The following LRRC1 variants were observed in gnomAD, a reference collection of about 807,000 sequenced individuals.
LRRC1 encodes leucine-rich repeat-containing protein 1.
LRRC1 carries 28 observed loss-of-function variants against 69.9 expected under a neutral mutation model. The observed-to-expected ratio is 0.40, with a 90% CI of 0.30 to 0.55. The LOEUF is 0.55. Among genes scored for constraint, LRRC1 ranks in the 20% least tolerant of loss-of-function variants. The pLI, the probability that LRRC1 is intolerant of heterozygous loss-of-function variation, is 0.47. For synonymous variants in LRRC1, 236 were observed against 240.2 expected, an observed-to-expected ratio of 0.98 and a Z score of 0.16; for missense variants, 498 against 609.0, an observed-to-expected ratio of 0.82 and a Z score of 1.92.
chr6:53,839,340 A>T (rs187984523), intron 1 of LRRC1, among the ~76,000 whole-genome samples: 2 of 152,288 alleles, frequency 1.3e-5, no homozygotes, highest in Admixed American at 6.5e-5. Context: ...AAAAAGAAAG[A>T]TAAAGTCTAT....
At chr6:53,844,846 G>C (rs1244246116) in intron 2 of LRRC1, among the ~76,000 whole-genome samples, 1 of 152,168 alleles carries the variant, frequency 6.6e-6, no homozygotes, top group Admixed American at 6.5e-5. Context: ...GTGTGTGGTG[G>C]ATGTGGGGGT....
intron 4 of LRRC1, among the ~76,000 whole-genome samples, chr6:53,883,239 G>A (rs753969311): frequency 2.6e-5 from 4 of 152,204 alleles, no homozygotes; most frequent in Non-Finnish European, 5.9e-5. Flanking sequence ...TTAAACTGAT[G>A]TATGGCAAAG....
intron 1 of LRRC1, among the ~76,000 whole-genome samples, chr6:53,802,313 A>G (rs529430732): frequency 6.6e-6 from 1 of 152,306 alleles, no homozygotes; most frequent in African/African-American, 2.4e-5. Flanking sequence ...CCAGAGGAAA[A>G]GATAGAGTAC....
chr6:53,868,627 C>T (rs1364567833), intron 2 of LRRC1, among the ~76,000 whole-genome samples: 1 of 152,120 alleles, frequency 6.6e-6, no homozygotes, highest in Non-Finnish European at 1.5e-5. Flanking sequence ...TTATTTTACT[C>T]CCCTTTATCC....
At chr6:53,869,899 C>G (rs898831790) in intron 2 of LRRC1, among the ~76,000 whole-genome samples, 1 of 152,208 alleles carries the variant, frequency 6.6e-6, no homozygotes, top group African/African-American at 2.4e-5. Context: ...TTGCTTAAAG[C>G]AAACCAGCAA....
At chr6:53,883,690 G>C (rs991940168) in intron 4 of LRRC1, among the ~76,000 whole-genome samples, 1 of 152,146 alleles carries the variant, frequency 6.6e-6, no homozygotes, top group African/African-American at 2.4e-5. Context: ...TGATGCAGTA[G>C]CTCATGGTTA....
chr6:53,898,465 T>C (rs941219940), intron 7 of LRRC1, among the ~76,000 whole-genome samples: 5 of 152,212 alleles, frequency 3.3e-5, no homozygotes, highest in African/African-American at 1.2e-4. Context: ...GAGGTGTGTA[T>C]GTTCAGATGT....
chr6:53,813,341 T>A (rs1764851518), intron 1 of LRRC1, among the ~76,000 whole-genome samples: 1 of 151,998 alleles, frequency 6.6e-6, no homozygotes, highest in South Asian at 2.1e-4. Context: ...GCTTGCTGGG[T>A]GGATCAGCTC....
At chr6:53,902,821 T>G in intron 9 of LRRC1, 74 bp downstream of exon 9, 1 of 911,246 alleles carries the variant, frequency 1.1e-6, no homozygotes, top group South Asian at 2.0e-5. Flanking sequence ...TTGAGTGGAC[T>G]AAATGGAAAT....
chr6:53,906,183 G>A (rs772662221), intron 10 of LRRC1, among the ~76,000 whole-genome samples: 1 of 152,172 alleles, frequency 6.6e-6, no homozygotes, highest in Non-Finnish European at 1.5e-5. Context: ...GGAAACGGAG[G>A]CCAGTAAGTA....
At chr6:53,805,691 A>G (rs541635293) in intron 1 of LRRC1, among the ~76,000 whole-genome samples, 1 of 152,354 alleles carries the variant, frequency 6.6e-6, no homozygotes, top group South Asian at 2.1e-4. Flanking sequence ...CTCTGTAGAC[A>G]GTGCTGAGAA....
chr6:53,878,514 G>T (rs1287360759), intron 2 of LRRC1, among the ~76,000 whole-genome samples: 1 of 152,186 alleles, frequency 6.6e-6, no homozygotes, highest in Non-Finnish European at 1.5e-5. Flanking sequence ...TAGATCCCTC[G>T]CATGGGCAGT....
Position 53,897,334 on chromosome 6 carries a change from G to C in LRRC1, c.617G>C (p.Gly206Ala). Residue 206 changes from glycine to alanine, a missense_variant, in exon 7 of 14, where the codon GGA (glycine) becomes GCA (alanine). Gly to Ala is a moderately conservative substitution (Grantham distance 60, BLOSUM62 0). Transcript: ENST00000370888. ...LLHLKDLWLD[G>A]NQLSELPQEI... The stretch of plus-strand genomic sequence containing the variant: ...CATCTAAAAGATCTCTGGTTGGATG[G>C]AAATCAACTGTCAGAATTACCTCAG... 1 of 1,612,268 alleles carries C rather than the reference G, an allele frequency of 6.2e-7. No individual in the cohort carries two copies. The highest frequency in any genetic ancestry group is 1.1e-5 in the South Asian group (1 of 90,980).
rs560821982 is a variant in LRRC1 at position 53,803,588 on chromosome 6, A to G, written c.159+8173A>G. ...AAGATCTAATAGAGTGTGTGTGTGT[A>G]TGTGTGTGTGTGTGTGTAGTGTAAA... On this transcript the variant is annotated intron_variant, in intron 1 of 13. Coordinates refer to ENST00000370888, the MANE Select transcript of LRRC1 (RefSeq NM_018214.5). Among the ~76,000 whole-genome samples, 26 of 150,340 alleles carry G rather than the reference A, an allele frequency of 1.7e-4. No individual in the cohort carries two copies. The East Asian group carries it at 2.2e-3, about 12-fold the overall frequency.
chr6:53,853,097 C>T (rs926745831), intron 2 of LRRC1, among the ~76,000 whole-genome samples: 3 of 151,978 alleles, frequency 2.0e-5, no homozygotes, highest in Non-Finnish European at 4.4e-5. Flanking sequence ...TTTTATTGTT[C>T]CATCTTCCTC....
At chr6:53,824,124 C>CTT (rs572379001) in intron 1 of LRRC1, among the ~76,000 whole-genome samples, 12 of 146,426 alleles carry the variant, frequency 8.2e-5, no homozygotes, top group Non-Finnish European at 1.7e-4. Flanking sequence ...TTAAGTGTTC[C>CTT]TTTTTTTTTT....
intron 1 of LRRC1, among the ~76,000 whole-genome samples, chr6:53,838,629 C>A (rs1399294969): frequency 1.3e-5 from 2 of 152,174 alleles, no homozygotes; most frequent in Non-Finnish European, 2.9e-5. Flanking sequence ...AGACTCTGTA[C>A]AATTGGCATA....
Position 53,855,937 on chromosome 6 carries a change from T to C in LRRC1, c.277+13710T>C, listed in dbSNP as rs556882691. On this transcript the variant is annotated intron_variant, in intron 2 of 13. Coordinates refer to ENST00000370888, the MANE Select transcript of LRRC1 (RefSeq NM_018214.5). ...ACAATTGGAGCATGGTAAAGAGGTC[T>C]CCTTTTTGCAGCTCATTGGCATCTT... is the stretch of plus-strand genomic sequence containing the variant. Among the ~76,000 whole-genome samples the C allele has an allele frequency of 3.3e-5, 5 of 152,318 alleles. No individual in the cohort carries two copies. The South Asian group carries it at 1.0e-3, about 32-fold the overall frequency.
At chr6:53,833,870 A>G (rs1765532215) in intron 1 of LRRC1, among the ~76,000 whole-genome samples, 1 of 152,248 alleles carries the variant, frequency 6.6e-6, no homozygotes, top group Non-Finnish European at 1.5e-5. Flanking sequence ...CTGGCCTATT[A>G]GTACATGAAT....
Sources: gnomAD v4.1 joint callset for allele counts (sites outside exome capture counted in the v4.1 genomes callset) on GRCh38, gnomAD v4.1.1 for gene constraint, MANE v1.5 for transcripts, NCBI Gene and HGNC (gene_info 2026-07-23, HGNC 2026-07-21) for gene names.